The following VIT variants were observed in gnomAD, a reference collection of about 807,000 sequenced individuals.
VIT encodes the protein vitrin.
In VIT, 99 loss-of-function variants were observed where a neutral mutation model predicts 78.0. That is an observed-to-expected ratio of 1.27 (90% CI 1.08 to 1.50). The LOEUF (loss-of-function observed/expected upper bound fraction) is 1.50, where lower values mean the gene tolerates loss of function less well. Ranked by LOEUF, VIT falls within the 40% of genes most tolerant of loss-of-function variation. The pLI is 0.00. For missense variants in VIT, 1,126 were observed against 875.3 expected (o/e 1.29, Z -3.61); for synonymous variants, 374 against 334.3 (o/e 1.12, Z -1.29).
rs938804364 is a variant in VIT, at chr2:36,805,449, T to A, written c.1174T>A (p.Ser392Thr). Residue 392 changes from serine (S) to threonine (T), a missense_variant, in exon 14 of 16, where the codon TCC becomes ACC. Coordinates refer to ENST00000379242, the MANE Select transcript of VIT (RefSeq NM_053276.4). ...GGLSNVGRAI[S>T]FVTKNFFSKA... ...TCTTTTTCTTCCAGGTCGGGCCATCTCCTTTGTGACCAAGAACTTCTTTTC... is the reference window on the plus strand; with the variant it reads ...TCTTTTTCTTCCAGGTCGGGCCATCACCTTTGTGACCAAGAACTTCTTTTC... 1.9e-6 allele frequency: 3 copies of A among 1,609,540 alleles called. No homozygotes were observed. Among genetic ancestry groups the A allele is most frequent in the Admixed American group, 1.7e-5 (1 of 59,274 alleles).
intron 9 of VIT, among the ~76,000 whole-genome samples, chr2:36,780,701 C>T (rs567951131): frequency 3.9e-5 from 6 of 152,132 alleles, no homozygotes; most frequent in Non-Finnish European, 8.8e-5. Flanking sequence ...AAAATATCAC[C>T]CTTTTTTCAG....
intron 2 of VIT, among the ~76,000 whole-genome samples, chr2:36,725,855 T>C (rs930722105): frequency 1.4e-4 from 22 of 152,044 alleles, no homozygotes; most frequent in African/African-American, 2.4e-5. Context: ...GAGGATCGCC[T>C]GAGGTCAGGA....
intron 12 of VIT, among the ~76,000 whole-genome samples, chr2:36,799,518 A>G (rs1666158417): frequency 6.6e-6 from 1 of 152,022 alleles, no homozygotes; most frequent in African/African-American, 2.4e-5. Flanking sequence ...CGCTTTTAAG[A>G]CCAGCCAGGG....
At chr2:36,700,331 G>A (rs796082050) in intron 1 of VIT, among the ~76,000 whole-genome samples, 1 of 152,132 alleles carries the variant, frequency 6.6e-6, no homozygotes, top group African/African-American at 2.4e-5. Context: ...AGAAGACAGT[G>A]AAAATCCTGG....
At chr2:36,748,949 T>G (rs1404786154) in intron 4 of VIT, among the ~76,000 whole-genome samples, 2 of 152,200 alleles carry the variant, frequency 1.3e-5, no homozygotes, top group African/African-American at 2.4e-5. Flanking sequence ...ACGCCCTCCC[T>G]GAAAAACGTA....
chr2:36,805,459 C>A lies in VIT; in HGVS notation c.1184C>A (p.Thr395Asn), dbSNP rs1666644971. 5.0e-6 allele frequency: 8 copies of A among 1,612,344 alleles called. No individual in the cohort carries two copies. Among genetic ancestry groups the A allele is most frequent in the Non-Finnish European group, 6.8e-6 (8 of 1,179,132 alleles). Residue 395 changes from threonine to asparagine, a missense_variant, in exon 14 of 16, where the codon ACC (threonine) becomes AAC (asparagine). Coordinates refer to ENST00000379242, the MANE Select transcript of VIT (RefSeq NM_053276.4). ...SNVGRAISFVTKNFFSKANGN... is the reference protein window; with the variant it reads ...SNVGRAISFVNKNFFSKANGN... The stretch of plus-strand genomic sequence containing the variant: ...CCAGGTCGGGCCATCTCCTTTGTGA[C>A]CAAGAACTTCTTTTCCAAAGCCAAT...
intron 5 of VIT, among the ~76,000 whole-genome samples, chr2:36,756,883 G>T (rs1257095558): frequency 6.6e-6 from 1 of 152,180 alleles, no homozygotes; most frequent in Non-Finnish European, 1.5e-5. Context: ...CTCAACAGAG[G>T]TTTAAAAGAA....
chr2:36,748,501 T>C (rs1668270825), intron 4 of VIT, among the ~76,000 whole-genome samples: 1 of 152,234 alleles, frequency 6.6e-6, no homozygotes, highest in Non-Finnish European at 1.5e-5. Flanking sequence ...AGCTTGGAGA[T>C]TCTTTCCTCA....
intron 4 of VIT, among the ~76,000 whole-genome samples, chr2:36,750,212 AAAAGGGAAAAGTTATAC>A (rs1668372534): frequency 6.6e-6 from 1 of 152,258 alleles, no homozygotes; most frequent in African/African-American, 2.4e-5. Flanking sequence ...ATTTCATACT[AAAAGGGAAAAGTTATAC>A]AAATCTACGC....
At chr2:36,712,076 C>T (rs1224581394) in intron 1 of VIT, among the ~76,000 whole-genome samples, 1 of 152,148 alleles carries the variant, frequency 6.6e-6, no homozygotes, top group African/African-American at 2.4e-5. Flanking sequence ...CATTGGACTG[C>T]CTGCAGAAAC....
At chr2:36,707,553 G>A (rs575390197) in intron 1 of VIT, among the ~76,000 whole-genome samples, 23 of 152,312 alleles carry the variant, frequency 1.5e-4, no homozygotes, top group Non-Finnish European at 2.8e-4. Context: ...AAGCGGGGAT[G>A]TTTAACCATC....
chr2:36,771,526 AAAAAAAAAAAAG>A (rs1443434179), intron 7 of VIT, among the ~76,000 whole-genome samples: 2 of 143,910 alleles, frequency 1.4e-5, no homozygotes, highest in African/African-American at 5.2e-5. Flanking sequence ...ACTTCATCTC[AAAAAAAAAAAAG>A]AAAAAGAAAA....
chr2:36,785,190 G>A (rs1334001907), intron 11 of VIT, among the ~76,000 whole-genome samples: 1 of 152,146 alleles, frequency 6.6e-6, no homozygotes, highest in Non-Finnish European at 1.5e-5. Flanking sequence ...GAACTAATCT[G>A]CTGACATCTG....
At chr2:36,735,722 T>C (rs1459279017) in intron 3 of VIT, among the ~76,000 whole-genome samples, 4 of 152,208 alleles carry the variant, frequency 2.6e-5, no homozygotes, top group Admixed American at 2.6e-4. Context: ...TACTGGAACC[T>C]ATTTGGCCAC....
chr2:36,716,404 G>C lies in VIT; in HGVS notation c.34G>C (p.Val12Leu), dbSNP rs1553362156. Reference protein sequence around the residue: ...RTVVLTMKASVIEMFLVLLVT... With the variant: ...RTVVLTMKASLIEMFLVLLVT... ...TGTTGTTCTCACTATGAAGGCATCT[G>C]TTATTGAAATGTTCCTTGGTAAGTA... Residue 12 changes from valine to leucine, a missense_variant, in exon 2 of 16, where the codon GTT (valine) becomes CTT (leucine). Coordinates refer to ENST00000379242, the MANE Select transcript of VIT (RefSeq NM_053276.4). 6 of 1,613,944 alleles carry C rather than the reference G, an allele frequency of 3.7e-6. No individual in the cohort carries two copies. Among genetic ancestry groups the C allele is most frequent in the Non-Finnish European group, 5.1e-6 (6 of 1,179,914 alleles).
chr2:36,740,587 G>A (rs964162642), intron 3 of VIT, among the ~76,000 whole-genome samples: 13 of 152,202 alleles, frequency 8.5e-5, no homozygotes, highest in Admixed American at 2.0e-4. Flanking sequence ...ATGAACACAC[G>A]TGCCTGATTT....
At chr2:36,711,630 G>T (rs1165497625) in intron 1 of VIT, among the ~76,000 whole-genome samples, 1 of 152,202 alleles carries the variant, frequency 6.6e-6, no homozygotes, top group Non-Finnish European at 1.5e-5. Flanking sequence ...CAACAAACGT[G>T]TATCGTTGTG....
intron 2 of VIT, among the ~76,000 whole-genome samples, chr2:36,720,044 A>G (rs1666397545): frequency 6.6e-6 from 1 of 152,212 alleles, no homozygotes; most frequent in South Asian, 2.1e-4. Flanking sequence ...TAAAATGCCT[A>G]TACTATCCAA....
intron 2 of VIT, among the ~76,000 whole-genome samples, chr2:36,718,900 C>G (rs1666325604): frequency 6.6e-6 from 1 of 152,226 alleles, no homozygotes; most frequent in South Asian, 2.1e-4. Flanking sequence ...TACCTTGCCC[C>G]TTTGGGAGGC....
Sources: allele counts gnomAD v4.1 joint callset (sites outside exome capture counted in the v4.1 genomes callset), GRCh38; gene constraint gnomAD v4.1.1; transcripts MANE v1.5; gene names NCBI Gene and HGNC (gene_info 2026-07-23, HGNC 2026-07-21).